The following ANKRD30B variants were observed in gnomAD, a reference collection of about 807,000 sequenced individuals.
ANKRD30B encodes the protein ankyrin repeat domain 30B, also known as ankyrin repeat domain-containing protein 30B.
ANKRD30B carries 144 observed loss-of-function variants against 202.2 expected under a neutral mutation model. The observed-to-expected ratio is 0.71, with a 90% confidence interval of 0.62 to 0.82. The LOEUF is 0.82. ANKRD30B is among the 40% of genes least tolerant of loss of function. The pLI, the probability that ANKRD30B is intolerant of heterozygous loss-of-function variation, is 0.00. For synonymous variants in ANKRD30B, 508 were observed against 561.3 expected (o/e 0.91, Z 1.34); for missense variants, 1,487 against 1,669.1 (o/e 0.89, Z 1.90).
At chr18:14,819,068 A>T (rs1970270765) in intron 30 of ANKRD30B, among the ~76,000 whole-genome samples, 1 of 152,080 alleles carries the variant, frequency 6.6e-6, no homozygotes, top group Non-Finnish European at 1.5e-5. Flanking sequence ...CTGGTGTGAG[A>T]TGGTATCTCA....
At chr18:14,937,668 G>A in the ANKRD30B span, among the ~76,000 whole-genome samples, 45 of 152,330 alleles carry the variant, frequency 3.0e-4, 1 homozygote, top group East Asian at 7.9e-3. Flanking sequence ...CCGCTTGCTC[G>A]AGCCGGTTCC....
chr18:14,765,968 G>T (rs949926487), intron 7 of ANKRD30B, among the ~76,000 whole-genome samples: 1 of 152,100 alleles, frequency 6.6e-6, no homozygotes, highest in Non-Finnish European at 1.5e-5. Flanking sequence ...AAAGCCATCA[G>T]TTAAGGGGCC....
chr18:14,860,382 AGGGGGTGGC>A, the ANKRD30B span, among the ~76,000 whole-genome samples: 1 of 106,660 alleles, frequency 9.4e-6, no homozygotes, highest in Non-Finnish European at 1.9e-5. Flanking sequence ...CACTTCCCAG[AGGGGGTGGC>A]CGGGCAGAGG....
At chr18:14,902,223 CAAG>C in the ANKRD30B span, among the ~76,000 whole-genome samples, 1 of 152,072 alleles carries the variant, frequency 6.6e-6, no homozygotes, top group Non-Finnish European at 1.5e-5. Context: ...GAGTACAATT[CAAG>C]AAGATTTAGG....
chr18:14,777,000 CAT>C (rs1247672064), intron 9 of ANKRD30B, among the ~76,000 whole-genome samples: 4 of 152,166 alleles, frequency 2.6e-5, no homozygotes, highest in African/African-American at 9.7e-5. Flanking sequence ...TATAATTATG[CAT>C]ATGTCAAGTG....
At chr18:14,769,572 G>T (rs970104504) in intron 8 of ANKRD30B, among the ~76,000 whole-genome samples, 199 bp downstream of exon 8, 1 of 152,180 alleles carries the variant, frequency 6.6e-6, no homozygotes, top group Non-Finnish European at 1.5e-5. Context: ...GGCAAATGTG[G>T]TTCAGAGAGG....
chr18:14,793,679 G>T (rs933465552), intron 16 of ANKRD30B, among the ~76,000 whole-genome samples: 1 of 152,000 alleles, frequency 6.6e-6, no homozygotes, highest in Admixed American at 6.6e-5. Flanking sequence ...CGGATCACGA[G>T]GTCAGGAGAT....
rs767398948 is a variant in ANKRD30B, at chr18:14,826,691, T to TCACACACACACACACA, written c.2744-1586_2744-1585insACACACACACACACAC. ...CTCTCTCTCCCCCTCTCTCTCTCTC[T>TCACACACACACACACA]CTCACACACACACACACACACACAC... is the stretch of plus-strand genomic sequence containing the variant. On this transcript the variant is annotated intron_variant, in intron 32 of 43. Transcript: ENST00000690538. 5.0e-3 allele frequency among the ~76,000 whole-genome samples: 416 copies of TCACACACACACACACA among 83,786 alleles called. 2 individuals carry two copies. In the East Asian group the frequency reaches 0.06, roughly 12 times the overall value. 55.0% of individuals were successfully genotyped at this position (83,786 alleles called of 152,430 possible).
chr18:14,873,699 G>C, the ANKRD30B span, among the ~76,000 whole-genome samples: 1 of 152,082 alleles, frequency 6.6e-6, no homozygotes, highest in Non-Finnish European at 1.5e-5. Context: ...ATGAGATTAA[G>C]TCCTGTATAA....
chr18:14,798,228 A>G (rs1381097056), intron 20 of ANKRD30B, among the ~76,000 whole-genome samples: 1 of 92,974 alleles, frequency 1.1e-5, no homozygotes, highest in African/African-American at 4.3e-5. Flanking sequence ...ATATACCCGC[A>G]TTTGTTATTA....
the ANKRD30B span, among the ~76,000 whole-genome samples, chr18:14,868,252 G>A: frequency 6.6e-6 from 1 of 152,308 alleles, no homozygotes; most frequent in African/African-American, 2.4e-5. Context: ...GTAAGAAGCT[G>A]CTGGTTCTGT....
chr18:14,885,851 C>T, the ANKRD30B span, among the ~76,000 whole-genome samples: 3 of 151,850 alleles, frequency 2.0e-5, no homozygotes. Context: ...TTGAAAGTAT[C>T]TTCTGTTTAC....
downstream of ANKRD30B, among the ~76,000 whole-genome samples, chr18:14,858,802 G>A (rs1221898080): frequency 8.6e-6 from 1 of 115,926 alleles, no homozygotes; most frequent in Non-Finnish European, 1.9e-5. Flanking sequence ...CCAGACAATG[G>A]GCAGCCAGGC....
intron 8 of ANKRD30B, among the ~76,000 whole-genome samples, chr18:14,771,168 G>T (rs768651026): frequency 6.6e-6 from 1 of 152,166 alleles, no homozygotes; most frequent in Non-Finnish European, 1.5e-5. Flanking sequence ...GAACTTCTTG[G>T]TTGGTCATTG....
intron 6 of ANKRD30B, among the ~76,000 whole-genome samples, chr18:14,761,769 A>G (rs1383879055): frequency 6.6e-6 from 1 of 152,094 alleles, no homozygotes; most frequent in Non-Finnish European, 1.5e-5. Flanking sequence ...CCAGGCTGGT[A>G]TTGAACTTCT....
intron 33 of ANKRD30B, chr18:14,830,066 G>A (rs368856832): frequency 1.6e-4 from 24 of 154,348 alleles, no homozygotes; most frequent in East Asian, 3.9e-4. Context: ...TCAGGAACAG[G>A]TAAATACAGA....
chr18:14,789,394 A>G (rs1201519311), intron 15 of ANKRD30B, among the ~76,000 whole-genome samples: 3 of 152,058 alleles, frequency 2.0e-5, no homozygotes, highest in Non-Finnish European at 4.4e-5. Context: ...CTTTAGTTTA[A>G]TGAGATCCCA....
intron 26 of ANKRD30B, among the ~76,000 whole-genome samples, chr18:14,808,951 A>G (rs1302110407): frequency 6.6e-6 from 1 of 150,914 alleles, no homozygotes; most frequent in Non-Finnish European, 1.5e-5. Flanking sequence ...GCTTTGCCTC[A>G]TGTGGATATC....
At chr18:14,826,693 TCACACACA>T (rs61497414) in intron 32 of ANKRD30B, among the ~76,000 whole-genome samples, 21 of 124,968 alleles carry the variant, frequency 1.7e-4, no homozygotes, top group African/African-American at 3.8e-4. Context: ...TCTCTCTCTC[TCACACACA>T]CACACACACA....
Sources: gnomAD v4.1 joint callset for allele counts (sites outside exome capture counted in the v4.1 genomes callset) on GRCh38, gnomAD v4.1.1 for gene constraint, MANE v1.5 for transcripts, NCBI Gene and HGNC (gene_info 2026-07-23, HGNC 2026-07-21) for gene names.